MYO19: variants seen among roughly 807,000 people sequenced by gnomAD.
MYO19 encodes myosin XIX, also known as unconventional myosin-XIX.
Under a neutral mutation model 129.2 loss-of-function variants are expected in MYO19, and 132 were observed. The ratio of observed to expected loss-of-function variants is 1.02; its 90% CI spans 0.89 to 1.18. MYO19 has a LOEUF of 1.18. Among genes scored for constraint, MYO19 ranks in the 50% most tolerant of loss-of-function variants. The probability of loss-of-function intolerance (pLI) is 0.00; values close to 1 mark genes in which losing one functional copy is unlikely to be tolerated. For synonymous variants in MYO19, 531 were observed against 477.2 expected (o/e 1.11, Z -1.47); for missense variants, 1,210 against 1,216.7 (o/e 0.99, Z 0.08).
chr17:36,499,179 A>G lies in MYO19; in HGVS notation c.2378-19T>C, dbSNP rs1289608027. On this transcript the variant is annotated intron_variant, in intron 23 of 25. Coordinates refer to ENST00000614623, the MANE Select transcript of MYO19 (RefSeq NM_001163735.2). ...CGAATGGCTAAGAGGTTTGCCCAGAAACAGGAAAGAGATAATAAAGGGGCC... is the reference window on the plus strand; with the variant it reads ...CGAATGGCTAAGAGGTTTGCCCAGAGACAGGAAAGAGATAATAAAGGGGCC... 2.1e-5 allele frequency: 34 copies of G among 1,582,358 alleles called. No homozygotes were observed. The highest frequency in any genetic ancestry group is 2.8e-5 in the Non-Finnish European group (33 of 1,161,378).
At chr17:36,536,994 G>C (rs1412135952), upstream of MYO19, 1 of 1,036,298 alleles carries the variant, frequency 9.6e-7, no homozygotes, top group East Asian at 2.5e-5. Flanking sequence ...CCAAAGTTCT[G>C]CTCTGAAATC....
chr17:36,501,198 A>G lies in MYO19; in HGVS notation c.2118T>C (p.Pro706=), dbSNP rs942111429. The change falls in exon 22 of 26, where the codon CCT becomes CCC. Residue 706 remains proline (P), a synonymous_variant. Coordinates refer to ENST00000614623, the MANE Select transcript of MYO19 (RefSeq NM_001163735.2). The stretch of plus-strand genomic sequence containing the variant: ...GAGTGTGGAGAATGTCCTGGATGAG[A>G]GGTTCAAGCGTGGCTTCCTCGCTGT... ...CPHSEEATLE[P]LIQDILHTLP... 2.5e-6 allele frequency: 4 copies of G among 1,613,846 alleles called. No homozygotes were observed. In the South Asian group the frequency reaches 4.4e-5, roughly 18 times the overall value.
intron 23 of MYO19, chr17:36,499,664 C>CTTTTTTCTTTTTTTTTTT (rs2071346235): frequency 2.9e-4 from 18 of 62,638 alleles, no homozygotes; most frequent in African/African-American, 5.4e-4. Context: ...CTTTTTGTTT[C>CTTTTTTCTTTTTTTTTTT]TTTTTTTTTT....
chr17:36,529,706 G>A (rs886143289), intron 3 of MYO19, among the ~76,000 whole-genome samples: 1 of 151,660 alleles, frequency 6.6e-6, no homozygotes, highest in Admixed American at 6.6e-5. Flanking sequence ...CTTTTATGAA[G>A]GGGAAAAAAA....
At chr17:36,539,585 G>T (rs561244317), upstream of MYO19, among the ~76,000 whole-genome samples, 29 of 146,926 alleles carry the variant, frequency 2.0e-4, no homozygotes, top group South Asian at 2.2e-4. Context: ...ACCATCCTGG[G>T]AAACAGTGAG....
intron 14 of MYO19, chr17:36,508,345 C>T (rs2072068821): frequency 1.2e-5 from 2 of 161,032 alleles, no homozygotes; most frequent in African/African-American, 4.8e-5. Context: ...CATGAGCAAA[C>T]TGCACTTGTA....
chr17:36,501,620 G>A (rs929418975), intron 21 of MYO19: 3 of 180,926 alleles, frequency 1.7e-5, no homozygotes, highest in African/African-American at 7.0e-5. Flanking sequence ...ACATCCTGAG[G>A]GCCAAATAGG....
At chr17:36,508,101 C>G in intron 14 of MYO19, 177 bp from the exon 15 acceptor site, 1 of 577,692 alleles carries the variant, frequency 1.7e-6, no homozygotes, top group Non-Finnish European at 2.8e-6. Flanking sequence ...ACCCTCCACC[C>G]AAGGTGGCTC....
Position 36,506,999 on chromosome 17 carries a change from C to A in MYO19, c.1608G>T (p.Val536=). Residue 536 remains valine, a synonymous_variant, in exon 17 of 26, where the codon GTG becomes GTT. Transcript: ENST00000614623. ...SFIVVHYAGP[V]RYHTAGLVEK... is the part of the protein sequence containing the mutation. ...CCACCAGGCCTGCTGTGTGGTACCGCACAGGCCCCGCATAATGCACCACAA... is the reference window on the plus strand; with the variant it reads ...CCACCAGGCCTGCTGTGTGGTACCGAACAGGCCCCGCATAATGCACCACAA... 1 of 1,611,546 alleles carries A rather than the reference C, an allele frequency of 6.2e-7. No homozygotes were observed. The highest frequency in any genetic ancestry group is 8.5e-7 in the Non-Finnish European group (1 of 1,178,106).
chr17:36,499,575 C>CAT (rs1159424106), intron 23 of MYO19: 1 of 154,960 alleles, frequency 6.5e-6, no homozygotes, highest in Non-Finnish European at 1.4e-5. Context: ...CTCACATCAC[C>CAT]ATATACCCAA....
Position 36,515,151 on chromosome 17 carries a change from G to C in MYO19, c.579C>G (p.Ser193Arg). The C allele has an allele frequency of 6.2e-7, 1 of 1,612,634 alleles. No individual in the cohort carries two copies. The highest frequency in any genetic ancestry group is 8.5e-7 in the Non-Finnish European group (1 of 1,179,370). Residue 193 changes from serine to arginine, a missense_variant, in exon 8 of 26, where the codon AGC (serine) becomes AGG (arginine). Transcript: ENST00000614623. ...GCTGGATGAACTTCCCAAAGCGACT[G>C]CTGTTGTTATTCCTCAGTGTACACG... Reference protein sequence around the residue: ...GNACTLRNNNSSRFGKFIQLQ... With the variant: ...GNACTLRNNNRSRFGKFIQLQ...
intron 3 of MYO19, among the ~76,000 whole-genome samples, chr17:36,530,995 G>A (rs879524002): frequency 6.6e-6 from 1 of 152,064 alleles, no homozygotes. Flanking sequence ...AGCACTTTGG[G>A]AGGCTGAGGC....
chr17:36,518,489 GAAAAAAAAAAAAAAAAAAAAAAAAA>G (rs1165317347), intron 6 of MYO19, among the ~76,000 whole-genome samples: 12 of 24,070 alleles, frequency 5.0e-4, no homozygotes, highest in East Asian at 3.0e-3. Flanking sequence ...GATCTCAGAG[GAAAAAAAAAAAAAAAAAAAAAAAAA>G]AAAAAAAAAA....
chr17:36,498,906 T>C, intron 24 of MYO19, 169 bp downstream of exon 24: 1 of 609,200 alleles, frequency 1.6e-6, no homozygotes, highest in East Asian at 2.8e-5. Context: ...CCCTGCAGGG[T>C]AGGTGTTACT....
intron 25 of MYO19, among the ~76,000 whole-genome samples, chr17:36,497,301 T>A (rs1173075675): frequency 6.8e-6 from 1 of 147,804 alleles, no homozygotes; most frequent in Non-Finnish European, 1.5e-5. Context: ...AGACTCCGTC[T>A]CAAAAAATTA....
rs755031401 is a variant in MYO19 at position 36,507,464 on chromosome 17, C to G, written c.1402G>C (p.Asp468His). 1 of 1,613,710 alleles carries G rather than the reference C, an allele frequency of 6.2e-7. No homozygotes were observed. The highest frequency in any genetic ancestry group is 1.1e-5 in the South Asian group (1 of 91,066). The change falls in exon 16 of 26, where the codon GAC becomes CAC. Residue 468 changes from aspartate (D) to histidine (H), a missense_variant. Transcript: ENST00000614623. ...ATGAGATCCAAACAGGGCTGGTTGT[C>G]CTGGTAGTTGATGAATGACCACTCC... ...GLEWSFINYQ[D>H]NQPCLDLIEG...
upstream of MYO19, chr17:36,537,652 A>G (rs1253146354): frequency 2.5e-6 from 4 of 1,614,006 alleles, no homozygotes; most frequent in Non-Finnish European, 3.4e-6. Context: ...GTTTGTCTAG[A>G]GGTCAGGAGG....
At position 36,507,852 on chromosome 17, in the gene MYO19, T is replaced by C. The variant is rs201113724; in HGVS notation, c.1304A>G (p.Asn435Ser). 1.1e-4 allele frequency: 174 copies of C among 1,613,668 alleles called. No individual in the cohort carries two copies. Among genetic ancestry groups the C allele is most frequent in the African/African-American group, 2.3e-4 (17 of 75,036 alleles). ...SLEQLCINYA[N>S]EKLQQHFVAH... ...CACAAAATGCTGCTGCAGCTTCTCA[T>C]TGGCGTAGTTGATGCACAACTGTTC... Residue 435 changes from asparagine (N) to serine (S), a missense_variant, in exon 15 of 26, where the codon AAT becomes AGT. Physicochemically the swap from Asn to Ser is conservative, Grantham distance 46 (BLOSUM62 1). Transcript: ENST00000614623.
intron 6 of MYO19, among the ~76,000 whole-genome samples, chr17:36,522,930 C>T (rs1330582200): frequency 4.0e-5 from 6 of 150,424 alleles, no homozygotes; most frequent in East Asian, 2.0e-4. Context: ...GGTGTGAACC[C>T]GGGAGGCAGA....
Sources: allele counts gnomAD v4.1 joint callset (sites outside exome capture counted in the v4.1 genomes callset), GRCh38; gene constraint gnomAD v4.1.1; transcripts MANE v1.5; gene names NCBI Gene and HGNC (gene_info 2026-07-23, HGNC 2026-07-21).